The following FHIT variants were observed in gnomAD, a reference collection of about 807,000 sequenced individuals.
The protein encoded by FHIT is bis(5'-adenosyl)-triphosphatase.
Under a neutral mutation model 17.9 loss-of-function variants are expected in FHIT, and 19 were observed. That is an observed-to-expected ratio of 1.06 (90% confidence interval 0.74 to 1.56). The LOEUF (loss-of-function observed/expected upper bound fraction) is 1.56. Among genes scored for constraint, FHIT ranks in the 40% most tolerant of loss-of-function variants. The pLI is 0.00. For synonymous variants in FHIT, 81 were observed against 69.7 expected (o/e 1.16, Z -0.81); for missense variants, 248 against 189.2 (o/e 1.31, Z -1.82).
At chr3:60,445,758 G>A (rs1204871228) in intron 5 of FHIT, among the ~76,000 whole-genome samples, 5 of 150,594 alleles carry the variant, frequency 3.3e-5, no homozygotes, top group African/African-American at 4.9e-5. Flanking sequence ...AGACACAGAT[G>A]TGATTTCACC....
intron 5 of FHIT, among the ~76,000 whole-genome samples, chr3:60,095,732 G>A (rs1442346759): frequency 6.6e-6 from 1 of 152,178 alleles, no homozygotes; most frequent in Non-Finnish European, 1.5e-5. Context: ...TCTCTCACAG[G>A]CTGAGAAAAG....
intron 5 of FHIT, among the ~76,000 whole-genome samples, chr3:60,447,000 C>A (rs529718980): frequency 6.6e-6 from 1 of 152,098 alleles, no homozygotes; most frequent in African/African-American, 2.4e-5. Flanking sequence ...AACTTCTATG[C>A]TTGTCTCTTC....
intron 5 of FHIT, among the ~76,000 whole-genome samples, chr3:60,089,790 T>A (rs1436423721): frequency 6.6e-6 from 1 of 152,176 alleles, no homozygotes; most frequent in Non-Finnish European, 1.5e-5. Flanking sequence ...TGTTGGCAGC[T>A]CCTTCGGAGG....
chr3:59,987,804 T>G (rs982508139), intron 7 of FHIT, among the ~76,000 whole-genome samples: 1 of 151,996 alleles, frequency 6.6e-6, no homozygotes, highest in African/African-American at 2.4e-5. Flanking sequence ...TTTTTCAAAG[T>G]GAAGGGATAT....
chr3:60,379,546 G>T (rs908490569), intron 5 of FHIT, among the ~76,000 whole-genome samples: 1 of 152,136 alleles, frequency 6.6e-6, no homozygotes, highest in Admixed American at 6.5e-5. Flanking sequence ...GGAACATTGA[G>T]TACTGTTGGT....
chr3:60,146,680 T>C (rs944111279), intron 5 of FHIT, among the ~76,000 whole-genome samples: 1 of 152,134 alleles, frequency 6.6e-6, no homozygotes, highest in Admixed American at 6.5e-5. Context: ...GGGGTAAGTG[T>C]AGCCCTCCTA....
At position 60,660,727 on chromosome 3, in the gene FHIT, C is replaced by CTTTTTTTTTT. The variant is rs1220817643; in HGVS notation, c.-17-123749_-17-123748insAAAAAAAAAA. The stretch of plus-strand genomic sequence containing the variant: ...ATGATGTGGAATATCTTTTATTGTG[C>CTTTTTTTTTT]TCTTTTTTTTTTTTTTTTTTTTTGC... On this transcript the variant is annotated intron_variant, in intron 4 of 9. Transcript: ENST00000492590. 2.9e-3 allele frequency among the ~76,000 whole-genome samples: 48 copies of CTTTTTTTTTT among 16,750 alleles called. 3 individuals are homozygous for CTTTTTTTTTT. Among genetic ancestry groups the CTTTTTTTTTT allele is most frequent in the African/African-American group, 4.6e-3 (34 of 7,338 alleles). The allele number at this position is 16,750 out of a possible 152,430, so 11.0% of individuals were successfully genotyped here. A position where few individuals can be genotyped will look rare whatever the true frequency, so the allele number is the denominator to read the frequency against.
chr3:59,990,554 T>C (rs928916529), intron 7 of FHIT, among the ~76,000 whole-genome samples: 1 of 152,058 alleles, frequency 6.6e-6, no homozygotes, highest in Non-Finnish European at 1.5e-5. Context: ...CTCCTTAACT[T>C]GGCTCCCTAA....
chr3:60,453,404 G>A (rs912984196), intron 5 of FHIT, among the ~76,000 whole-genome samples: 1 of 152,130 alleles, frequency 6.6e-6, no homozygotes, highest in Non-Finnish European at 1.5e-5. Flanking sequence ...ACTCTCCAGA[G>A]GGCTAAACTC....
chr3:59,817,358 T>C (rs1003085648), intron 8 of FHIT, among the ~76,000 whole-genome samples: 5 of 151,846 alleles, frequency 3.3e-5, no homozygotes, highest in African/African-American at 1.2e-4. Flanking sequence ...CCATCTGGGA[T>C]GTAAGACTAT....
intron 5 of FHIT, among the ~76,000 whole-genome samples, chr3:60,313,220 G>A (rs1272964275): frequency 2.6e-5 from 4 of 152,140 alleles, no homozygotes; most frequent in Non-Finnish European, 5.9e-5. Context: ...ATTTAGATAC[G>A]TGCATTAGCA....
intron 2 of FHIT, among the ~76,000 whole-genome samples, chr3:61,129,148 A>T (rs2036694878): frequency 6.6e-6 from 1 of 152,236 alleles, no homozygotes; most frequent in African/African-American, 2.4e-5. Context: ...CAAAGTATTA[A>T]CTTGGAAAGC....
At chr3:60,613,044 G>T (rs1258362710) in intron 4 of FHIT, among the ~76,000 whole-genome samples, 2 of 152,170 alleles carry the variant, frequency 1.3e-5, no homozygotes, top group Admixed American at 1.3e-4. Context: ...AATAGAAAGG[G>T]ATCTTGCCTG....
At chr3:60,226,227 C>A (rs1204320233) in intron 5 of FHIT, among the ~76,000 whole-genome samples, 1 of 152,096 alleles carries the variant, frequency 6.6e-6, no homozygotes, top group Non-Finnish European at 1.5e-5. Flanking sequence ...AATCCCAGCA[C>A]TTTGGGAGGC....
chr3:61,202,058 G>A (rs9882800), intron 1 of FHIT, among the ~76,000 whole-genome samples: 65,417 of 150,118 alleles, frequency 0.44, 14,550 homozygotes, highest in East Asian at 0.58. Context: ...ATATATACAC[G>A]CACATAGATA....
At chr3:60,084,284 C>T (rs1216939313) in intron 5 of FHIT, among the ~76,000 whole-genome samples, 2 of 152,030 alleles carry the variant, frequency 1.3e-5, no homozygotes, top group African/African-American at 2.4e-5. Context: ...TAAGTTACAA[C>T]AATAAAAAGG....
At chr3:59,963,490 G>C (rs1707783309) in intron 7 of FHIT, among the ~76,000 whole-genome samples, 1 of 151,910 alleles carries the variant, frequency 6.6e-6, no homozygotes, top group Middle Eastern at 3.2e-3. Context: ...GAGAGAGAGA[G>C]ACAGAAAGAG....
At chr3:60,952,759 A>G (rs1004017892) in intron 3 of FHIT, among the ~76,000 whole-genome samples, 8 of 152,206 alleles carry the variant, frequency 5.3e-5, no homozygotes, top group Non-Finnish European at 1.2e-4. Context: ...GGATGGGAAA[A>G]TGAGACTAGG....
intron 4 of FHIT, among the ~76,000 whole-genome samples, chr3:60,656,106 T>C (rs926513707): frequency 1.3e-5 from 2 of 152,228 alleles, no homozygotes; most frequent in African/African-American, 4.8e-5. Context: ...AGAAGCCATG[T>C]AAGCCTTTGC....
Sources: allele counts gnomAD v4.1 joint callset (sites outside exome capture counted in the v4.1 genomes callset), GRCh38; gene constraint gnomAD v4.1.1; transcripts MANE v1.5; gene names NCBI Gene and HGNC (gene_info 2026-07-23, HGNC 2026-07-21).